Variants in ANKMY2 observed in about 807,000 individuals in gnomAD.
ANKMY2 encodes ankyrin repeat and MYND domain containing 2, also known as ankyrin repeat and MYND domain-containing protein 2.
Under a neutral mutation model 50.4 loss-of-function variants are expected in ANKMY2, and 36 were observed. The observed-to-expected ratio is 0.71, with a 90% confidence interval of 0.55 to 0.94. ANKMY2 has a LOEUF of 0.94. ANKMY2 is among the 40% of genes least tolerant of loss of function. The probability of loss-of-function intolerance (pLI) is 0.00; values close to 1 mark genes in which losing one functional copy is unlikely to be tolerated. For missense variants in ANKMY2, 565 were observed against 524.0 expected (o/e 1.08, Z -0.76); for synonymous variants, 187 against 178.8 (o/e 1.05, Z -0.36).
rs764896907 is a variant in ANKMY2, at chr7:16,645,525, G to A, written c.49C>T (p.Leu17=). 1.2e-6 allele frequency: 2 copies of A among 1,611,690 alleles called. No individual in the cohort carries two copies. Among genetic ancestry groups the A allele is most frequent in the Non-Finnish European group, 1.7e-6 (2 of 1,178,858 alleles). ...CCCGTACCTTTCCCGATGACTTCCA[G>A]TAGCTCCTTCTCCTCCTGGGTCAGC... The part of the protein sequence containing the change: ...GELTQEEKEL[L]EVIGKGTVQE... Residue 17 remains leucine (L), a synonymous_variant, in exon 1 of 10, where the codon CTG becomes TTG. Coordinates refer to ENST00000306999, the MANE Select transcript of ANKMY2 (RefSeq NM_020319.3).
intron 4 of ANKMY2, among the ~76,000 whole-genome samples, chr7:16,621,291 A>G (rs983926453): frequency 6.6e-6 from 1 of 152,194 alleles, no homozygotes; most frequent in Non-Finnish European, 1.5e-5. Flanking sequence ...ATTAAATATT[A>G]CTGAAAGACC....
At chr7:16,635,162 C>A (rs1781640425) in intron 2 of ANKMY2, among the ~76,000 whole-genome samples, 2 of 151,394 alleles carry the variant, frequency 1.3e-5, no homozygotes. Flanking sequence ...ACACATACAA[C>A]AAAAAAAACT....
chr7:16,636,166 G>C (rs1392774455), intron 2 of ANKMY2, among the ~76,000 whole-genome samples: 1 of 151,812 alleles, frequency 6.6e-6, no homozygotes, highest in Non-Finnish European at 1.5e-5. Context: ...ACTCAGGAGT[G>C]GTGGTGGGTG....
Position 16,600,867 on chromosome 7 carries a change from G to C in ANKMY2, c.1220C>G (p.Ser407Cys). 1 of 1,613,176 alleles carries C rather than the reference G, an allele frequency of 6.2e-7. No homozygotes were observed. Among genetic ancestry groups the C allele is most frequent in the Non-Finnish European group, 8.5e-7 (1 of 1,179,536 alleles). Residue 407 changes from serine to cysteine, a missense_variant, in exon 10 of 10, where the codon TCC becomes TGC. By Grantham distance (112) the Ser-to-Cys change is moderately radical. Coordinates refer to ENST00000306999, the MANE Select transcript of ANKMY2 (RefSeq NM_020319.3). ...TCCTTCCCCGGAATCTTCAGGATTG[G>C]AATCCTTTTGAGAGATACCTACTTC... ...EAEVGISQKDSNPEDSGEGKK... is the reference protein window; with the variant it reads ...EAEVGISQKDCNPEDSGEGKK...
At chr7:16,609,125 C>T (rs1334345554) in intron 7 of ANKMY2, among the ~76,000 whole-genome samples, 1 of 152,200 alleles carries the variant, frequency 6.6e-6, no homozygotes, top group Non-Finnish European at 1.5e-5. Flanking sequence ...TAAGTATGGA[C>T]ATTTTCTAAT....
intron 2 of ANKMY2, among the ~76,000 whole-genome samples, chr7:16,631,161 GTTGTGGTGATCCTAT>G (rs979377063): frequency 6.8e-6 from 1 of 146,870 alleles, no homozygotes; most frequent in African/African-American, 2.4e-5. Flanking sequence ...TTTAGCATCT[GTTGTGGTGATCCTAT>G]TTGTTTCTCT....
intron 9 of ANKMY2, among the ~76,000 whole-genome samples, chr7:16,601,902 T>G (rs1483213518): frequency 2.0e-5 from 3 of 152,210 alleles, no homozygotes; most frequent in African/African-American, 7.2e-5. Flanking sequence ...AAATTTGATC[T>G]GTATATTAGA....
rs190998482 is a variant in ANKMY2, at chr7:16,629,694, T to C, written c.133-2516A>G. ...TGGGTATTAGAAAAAAAACTAGTGA[T>C]AAGTAACAAATTTACACTTATTTTT... On this transcript the variant is annotated intron_variant, in intron 2 of 9. Coordinates refer to ENST00000306999, the MANE Select transcript of ANKMY2 (RefSeq NM_020319.3). 5.3e-3 allele frequency among the ~76,000 whole-genome samples: 809 copies of C among 152,278 alleles called. 4 individuals are homozygous for C. The highest frequency in any genetic ancestry group is 0.018 in the African/African-American group (763 of 41,566).
chr7:16,615,764 T>C lies in ANKMY2; in HGVS notation c.511A>G (p.Thr171Ala), dbSNP rs148280287. The change falls in exon 5 of 10, where the codon ACG (threonine) becomes GCG (alanine). Residue 171 changes from threonine (T) to alanine (A), a missense_variant. Transcript: ENST00000306999. ...AGPLHKIITT[T>A]NLHPVKIVML... is the part of the protein sequence containing the mutation. ...ACTACCTTGACAGGATGAAGATTCG[T>C]TGTGGTGATAATTTTGTGCAGCGGG... 2.9e-4 allele frequency: 471 copies of C among 1,614,136 alleles called. No individual in the cohort carries two copies. In the African/African-American group the frequency reaches 5.2e-3, roughly 18 times the overall value.
At chr7:16,606,761 C>G (rs964865944) in intron 7 of ANKMY2, among the ~76,000 whole-genome samples, 17 of 152,164 alleles carry the variant, frequency 1.1e-4, no homozygotes, top group African/African-American at 2.4e-5. Context: ...AGAAAATATT[C>G]AAAGATTCAA....
At chr7:16,636,566 C>T (rs1246894392) in intron 1 of ANKMY2, 111 bp from the exon 2 acceptor site, 8 of 705,996 alleles carry the variant, frequency 1.1e-5, no homozygotes, top group Admixed American at 6.3e-5. Flanking sequence ...TACATCTAGT[C>T]AGTGTAGGTT....
chr7:16,607,303 C>T (rs1199187704), intron 7 of ANKMY2, among the ~76,000 whole-genome samples: 3 of 152,138 alleles, frequency 2.0e-5, no homozygotes, highest in Non-Finnish European at 2.9e-5. Context: ...CGGTGGCTCA[C>T]GCCTGTAATC....
intron 1 of ANKMY2, among the ~76,000 whole-genome samples, chr7:16,645,161 G>T (rs1049469326): frequency 3.3e-5 from 5 of 152,086 alleles, no homozygotes; most frequent in African/African-American, 9.7e-5. Context: ...GACTGACCGC[G>T]GTCAAAATCC....
At chr7:16,614,750 AG>A (rs1219293435) in intron 5 of ANKMY2, among the ~76,000 whole-genome samples, 1 of 152,234 alleles carries the variant, frequency 6.6e-6, no homozygotes, top group Non-Finnish European at 1.5e-5. Flanking sequence ...ACTACATGAT[AG>A]TAACGCCTTA....
intron 5 of ANKMY2, among the ~76,000 whole-genome samples, chr7:16,612,668 C>G (rs149784276): frequency 6.6e-6 from 1 of 152,184 alleles, no homozygotes; most frequent in East Asian, 1.9e-4. Flanking sequence ...TTGGAGACAT[C>G]AGACCTTATC....
chr7:16,641,546 A>G (rs572856965), intron 1 of ANKMY2, among the ~76,000 whole-genome samples: 1 of 152,316 alleles, frequency 6.6e-6, no homozygotes, highest in East Asian at 1.9e-4. Context: ...TTATAAGCAG[A>G]CTTGAATGTT....
chr7:16,619,450 G>C (rs552046460), intron 4 of ANKMY2, among the ~76,000 whole-genome samples: 4 of 151,946 alleles, frequency 2.6e-5, no homozygotes, highest in Middle Eastern at 3.2e-3. Flanking sequence ...TACTGTGCCC[G>C]GCCTAATTAT....
chr7:16,627,134 G>A lies in ANKMY2; in HGVS notation c.177C>T (p.Leu59=), dbSNP rs11531477. ...PLMHAAYKGK[L]DMCKLLLRHG... ...GTCGCAGTAGTAATTTGCACATATC[G>A]AGTTTTCCTTTATATGCTGCATGCA... The change falls in exon 3 of 10, where the codon CTC becomes CTT. Residue 59 remains leucine, a synonymous_variant. Transcript: ENST00000306999. 5.0e-4 allele frequency: 803 copies of A among 1,607,494 alleles called. 7 individuals carry two copies. The African/African-American group carries it at 9.3e-3, about 19-fold the overall frequency.
In ANKMY2 at chr7:16,600,839, C is replaced by A; in HGVS notation, c.1248G>T (p.Lys416Asn). ...DSNPEDSGEG[K>N]KESLESEAEL... The stretch of plus-strand genomic sequence containing the variant: ...CAGCTTCGCTTTCAAGAGATTCTTT[C>A]TTTCCTTCCCCGGAATCTTCAGGAT... The change falls in exon 10 of 10, where the codon AAG becomes AAT. Residue 416 changes from lysine (K) to asparagine (N), a missense_variant. Lys to Asn is a moderately conservative substitution (Grantham distance 94, BLOSUM62 0). Coordinates refer to ENST00000306999, the MANE Select transcript of ANKMY2 (RefSeq NM_020319.3). 6.2e-7 allele frequency: 1 copy of A among 1,613,540 alleles called. No individual in the cohort carries two copies. The highest frequency in any genetic ancestry group is 8.5e-7 in the Non-Finnish European group (1 of 1,179,750).
Sources: gnomAD v4.1 joint callset for allele counts (sites outside exome capture counted in the v4.1 genomes callset) on GRCh38, gnomAD v4.1.1 for gene constraint, MANE v1.5 for transcripts, NCBI Gene and HGNC (gene_info 2026-07-23, HGNC 2026-07-21) for gene names.